ELP1: variants seen among roughly 807,000 people sequenced by gnomAD.
ELP1 encodes elongator acetyltransferase complex subunit 1.
A neutral mutation model predicts 183.2 loss-of-function variants in ELP1; 131 were observed. That is an observed-to-expected ratio of 0.72 (90% CI 0.62 to 0.83). ELP1 has a LOEUF of 0.83. Ranked by LOEUF, ELP1 falls within the 40% of genes least tolerant of loss-of-function variation. The pLI is 0.00. For missense variants in ELP1, 1,550 were observed against 1,594.9 expected (o/e 0.97, Z 0.48); for synonymous variants, 555 against 569.0 (o/e 0.98, Z 0.35).
At position 108,878,140 on chromosome 9, in the gene ELP1, T is replaced by C. The variant is rs1358464947; in HGVS notation, c.3710A>G (p.Tyr1237Cys). The change falls in exon 35 of 37, where the codon TAC becomes TGC. Residue 1237 changes from tyrosine (Y) to cysteine (C), a missense_variant. Tyr to Cys is a radical substitution (Grantham distance 194, BLOSUM62 -2). Coordinates refer to ENST00000374647, the MANE Select transcript of ELP1 (RefSeq NM_003640.5). ...QNTENLKDEV[Y>C]HILKVLFLFE... ...GAGAAAGAGTACCTTTAAAATATGGTATACTTCATCTAGAGAGAAGAAATT... is the reference window on the plus strand; with the variant it reads ...GAGAAAGAGTACCTTTAAAATATGGCATACTTCATCTAGAGAGAAGAAATT... The C allele has an allele frequency of 6.2e-7, 1 of 1,607,464 alleles. No individual in the cohort carries two copies. Among genetic ancestry groups the C allele is most frequent in the African/African-American group, 1.3e-5 (1 of 74,810 alleles).
chr9:108,875,763 G>A, intron 35 of ELP1: 1 of 408,808 alleles, frequency 2.4e-6, no homozygotes, highest in Admixed American at 2.8e-5. Flanking sequence ...AATTAGCTGG[G>A]CATGGTGGTG....
Position 108,896,602 on chromosome 9 carries a change from G to A in ELP1, c.2630C>T (p.Ala877Val). The change falls in exon 25 of 37, where the codon GCC becomes GTC. Residue 877 changes from alanine to valine, a missense_variant. Transcript: ENST00000374647. ...TACCAGATGCAGCAAATATTTCAAG[G>A]CCTCTTCAGCACTCACAGCATCAGG... ...SDPDAVSAEE[A>V]LKYLLHLVDV... is the part of the protein sequence containing the mutation. The A allele has an allele frequency of 2.5e-6, 4 of 1,613,636 alleles. No homozygotes were observed. Among genetic ancestry groups the A allele is most frequent in the African/African-American group, 1.3e-5 (1 of 75,012 alleles).
chr9:108,914,139 C>T (rs1198699708), intron 10 of ELP1, among the ~76,000 whole-genome samples: 2 of 152,032 alleles, frequency 1.3e-5, no homozygotes, highest in African/African-American at 2.4e-5. Context: ...CGGTGGCTCA[C>T]GCCTGTAATC....
In ELP1 at chr9:108,922,832, C is replaced by T. The variant is rs2132037326; in HGVS notation, c.552+10G>A. 5.6e-6 allele frequency: 9 copies of T among 1,609,738 alleles called. No homozygotes were observed. Among genetic ancestry groups the T allele is most frequent in the Non-Finnish European group, 6.8e-6 (8 of 1,176,072 alleles). Reference sequence around the variant, plus strand: ...CAGTCAAGGCTTTTTATCCATCAAACCAAACTTACCATTTGCATCTGAAAA... The same window carrying T: ...CAGTCAAGGCTTTTTATCCATCAAATCAAACTTACCATTTGCATCTGAAAA... On this transcript the variant is annotated intron_variant, in intron 6 of 36. Transcript: ENST00000374647.
At chr9:108,913,897 C>T (rs541428711) in intron 10 of ELP1, among the ~76,000 whole-genome samples, 1 of 152,320 alleles carries the variant, frequency 6.6e-6, no homozygotes, top group South Asian at 2.1e-4. Flanking sequence ...CCTTGACACA[C>T]TGGTTAATCG....
Position 108,906,374 on chromosome 9 carries a change from G to A in ELP1, c.1572C>T (p.Pro524=). ...CAGTCAAATGGTGAATGACAGACCG[G>A]GGGCTGAACTCACTGTGGCTTACAG... ...FLAVSHSEFS[P]RSVIHHLTAA... is the part of the protein sequence containing the mutation. The change falls in exon 14 of 37, where the codon CCC becomes CCT. Residue 524 remains proline (P), a synonymous_variant. Coordinates refer to ENST00000374647, the MANE Select transcript of ELP1 (RefSeq NM_003640.5). The A allele has an allele frequency of 6.2e-7, 1 of 1,614,064 alleles. No homozygotes were observed. The highest frequency in any genetic ancestry group is 8.5e-7 in the Non-Finnish European group (1 of 1,179,950).
Position 108,869,060 on chromosome 9 carries a change from A to C in ELP1, c.*55T>G. Reference sequence around the variant, plus strand: ...CTCAAAGAGCAAGGGGTGGTAGGACAACAGGAATGAGTGGAAATGGTCTTC... The same window carrying C: ...CTCAAAGAGCAAGGGGTGGTAGGACCACAGGAATGAGTGGAAATGGTCTTC... On this transcript the variant is annotated 3_prime_UTR_variant, in exon 37 of 37. Transcript: ENST00000374647. The C allele has an allele frequency of 6.8e-7, 1 of 1,481,422 alleles. No individual in the cohort carries two copies. The highest frequency in any genetic ancestry group is 1.7e-5 in the Admixed American group (1 of 59,876). The allele number at this position is 1,481,422 out of a possible 1,614,324, so 91.8% of individuals were successfully genotyped here.
At chr9:108,896,859 C>G in intron 24 of ELP1, 94 bp downstream of exon 24, 4 of 1,226,802 alleles carry the variant, frequency 3.3e-6, no homozygotes, top group Non-Finnish European at 4.8e-6. Flanking sequence ...CATGTTAAAT[C>G]TGTGGTGTGG....
chr9:108,884,942 A>G (rs1283593426), intron 29 of ELP1, among the ~76,000 whole-genome samples: 1 of 152,026 alleles, frequency 6.6e-6, no homozygotes, highest in African/African-American at 2.4e-5. Context: ...TTAGCCAGGC[A>G]TGGTGGCATG....
At chr9:108,899,249 G>A (rs1285843969) in intron 20 of ELP1, among the ~76,000 whole-genome samples, 1 of 151,716 alleles carries the variant, frequency 6.6e-6, no homozygotes, top group Non-Finnish European at 1.5e-5. Flanking sequence ...GCAGTAAGCC[G>A]AGATTGCGCC....
chr9:108,910,792 A>G (rs751927666), intron 12 of ELP1, among the ~76,000 whole-genome samples: 2 of 151,840 alleles, frequency 1.3e-5, no homozygotes, highest in Non-Finnish European at 2.9e-5. Flanking sequence ...TCAAGTCAGT[A>G]AGGGAAAAGG....
intron 1 of ELP1, among the ~76,000 whole-genome samples, chr9:108,931,779 T>G (rs1179522180): frequency 6.6e-6 from 1 of 152,166 alleles, no homozygotes; most frequent in Non-Finnish European, 1.5e-5. Context: ...ATGACAACAA[T>G]TTACTTCAAA....
Position 108,906,541 on chromosome 9 carries a change from G to A in ELP1, c.1461-56C>T, listed in dbSNP as rs2132003903. 9 of 1,454,128 alleles carry A rather than the reference G, an allele frequency of 6.2e-6. 1 individual carries two copies. In the East Asian group the frequency reaches 2.1e-4, roughly 33 times the overall value. The allele number at this position is 1,454,128 out of a possible 1,614,324, so 90.1% of individuals were successfully genotyped here. Reference sequence around the variant, plus strand: ...ATGAATAAAACTTAAAAACCACTGAGACGTTCCTGGATGAAGGAAGACTGA... The same window carrying A: ...ATGAATAAAACTTAAAAACCACTGAAACGTTCCTGGATGAAGGAAGACTGA... On this transcript the variant is annotated intron_variant, in intron 13 of 36. Transcript: ENST00000374647.
In ELP1 at chr9:108,868,038, A is replaced by G. The variant is rs1277763126; in HGVS notation, c.*1077T>C. 6.6e-6 allele frequency: 1 copy of G among 152,248 alleles called. No homozygotes were observed. Among genetic ancestry groups the G allele is most frequent in the Non-Finnish European group, 1.5e-5 (1 of 68,042 alleles). The allele number at this position is 152,248 out of a possible 1,614,324, so 9.4% of individuals were successfully genotyped here. A position where few individuals can be genotyped will look rare whatever the true frequency, so the allele number is the denominator to read the frequency against. ...GGAGGTGTTTTGGTCACAGGGGCAGATCCTACGTGAATCGCTTGTGCCATC... is the reference window on the plus strand; with the variant it reads ...GGAGGTGTTTTGGTCACAGGGGCAGGTCCTACGTGAATCGCTTGTGCCATC... On this transcript the variant is annotated 3_prime_UTR_variant, in exon 37 of 37. Coordinates refer to ENST00000374647, the MANE Select transcript of ELP1 (RefSeq NM_003640.5).
At chr9:108,895,420 G>A (rs1265260058) in intron 25 of ELP1, among the ~76,000 whole-genome samples, 1 of 152,130 alleles carries the variant, frequency 6.6e-6, no homozygotes, top group Non-Finnish European at 1.5e-5. Context: ...CCAGGGGAAT[G>A]GTGAGGGTGG....
At chr9:108,894,281 C>G (rs1443092132) in intron 25 of ELP1, among the ~76,000 whole-genome samples, 1 of 152,174 alleles carries the variant, frequency 6.6e-6, no homozygotes, top group Non-Finnish European at 1.5e-5. Context: ...ATACCAAAAT[C>G]CAAGCATACC....
rs773218149 is a variant in ELP1 at position 108,896,634 on chromosome 9, G to A, written c.2598C>T (p.Pro866=). The change falls in exon 25 of 37, where the codon CCC becomes CCT. Residue 866 remains proline (P), a synonymous_variant. Coordinates refer to ENST00000374647, the MANE Select transcript of ELP1 (RefSeq NM_003640.5). The part of the protein sequence containing the change: ...QKVHELQGNA[P]SDPDAVSAEE... ...CAGCACTCACAGCATCAGGATCAGA[G>A]GGAGCATTTCCTAACAGTGTTTAGA... The A allele has an allele frequency of 2.5e-6, 4 of 1,613,826 alleles. No individual in the cohort carries two copies. The highest frequency in any genetic ancestry group is 1.3e-5 in the African/African-American group (1 of 74,890).
chr9:108,893,045 C>T lies in ELP1; in HGVS notation c.2899G>A (p.Asp967Asn). Residue 967 changes from aspartate (D) to asparagine (N), a missense_variant, in exon 27 of 37, where the codon GAT becomes AAT. By Grantham distance (23) the Asp-to-Asn change is conservative. Coordinates refer to ENST00000374647, the MANE Select transcript of ELP1 (RefSeq NM_003640.5). ...AGAGCTTCGTTATACAAGTTTTTAT[C>T]TTTTATCAAGTTTAAGCATTCTGGG... ...YFPECLNLIK[D>N]KNLYNEALKL... 6.2e-7 allele frequency: 1 copy of T among 1,613,872 alleles called. No homozygotes were observed. The highest frequency in any genetic ancestry group is 8.5e-7 in the Non-Finnish European group (1 of 1,179,828).
At position 108,917,243 on chromosome 9, in the gene ELP1, G is replaced by C. The variant is rs546549186; in HGVS notation, c.864+304C>G. On this transcript the variant is annotated intron_variant, in intron 9 of 36. Coordinates refer to ENST00000374647, the MANE Select transcript of ELP1 (RefSeq NM_003640.5). ...AGCACTTTGGGAGGCAGAGGCGGGT[G>C]GATCACCTGAGGTCAGGGGTTTGAG... Among the ~76,000 whole-genome samples the C allele has an allele frequency of 2.2e-3, 334 of 152,208 alleles. 2 individuals are homozygous for C. The highest frequency in any genetic ancestry group is 0.014 in the Middle Eastern group (4 of 292).
Sources: allele counts gnomAD v4.1 joint callset (sites outside exome capture counted in the v4.1 genomes callset), GRCh38; gene constraint gnomAD v4.1.1; transcripts MANE v1.5; gene names NCBI Gene and HGNC (gene_info 2026-07-23, HGNC 2026-07-21).